Variants in ITFG1 observed in about 807,000 individuals in gnomAD.
The protein encoded by ITFG1 is T-cell immunomodulatory protein.
ITFG1 carries 34 observed loss-of-function variants against 81.8 expected under a neutral mutation model. That is an observed-to-expected ratio of 0.42 (90% CI 0.32 to 0.55). The LOEUF (loss-of-function observed/expected upper bound fraction) is 0.55, where lower values mean the gene tolerates loss of function less well. Among genes scored for constraint, ITFG1 ranks in the 20% least tolerant of loss-of-function variants. The pLI is 0.17. For synonymous variants in ITFG1, 285 were observed against 270.6 expected, an observed-to-expected ratio of 1.05 and a Z score of -0.52; for missense variants, 672 against 755.4, an observed-to-expected ratio of 0.89 and a Z score of 1.29.
intron 12 of ITFG1, among the ~76,000 whole-genome samples, chr16:47,250,223 CATTA>C (rs1966054354): frequency 6.6e-6 from 1 of 151,958 alleles, no homozygotes; most frequent in Admixed American, 6.6e-5. Context: ...ACCTATCTTT[CATTA>C]ATTATTTTAT....
intron 6 of ITFG1, among the ~76,000 whole-genome samples, chr16:47,407,144 A>T (rs1596962880): frequency 2.0e-5 from 3 of 152,360 alleles, no homozygotes; most frequent in Admixed American, 1.3e-4. Context: ...ATTTACATTT[A>T]TAACGGATAA....
chr16:47,239,251 AGTGCAGT>A (rs1446566731), intron 12 of ITFG1, among the ~76,000 whole-genome samples: 1 of 151,198 alleles, frequency 6.6e-6, no homozygotes, highest in Non-Finnish European at 1.5e-5. Context: ...GCCAGGCTGG[AGTGCAGT>A]GGCACGATCT....
intron 8 of ITFG1, among the ~76,000 whole-genome samples, chr16:47,315,641 A>G (rs1211325792): frequency 6.6e-6 from 1 of 152,088 alleles, no homozygotes; most frequent in East Asian, 1.9e-4. Flanking sequence ...CCTAGTAAAC[A>G]TATATCTAAC....
At chr16:47,368,237 T>TA (rs1197857958) in intron 7 of ITFG1, among the ~76,000 whole-genome samples, 10,422 of 77,960 alleles carry the variant, frequency 0.13, 966 homozygotes, top group African/African-American at 0.31. Flanking sequence ...CCGTCTCAAT[T>TA]AAAAAAAAAA....
chr16:47,267,860 C>T (rs1178513682), intron 10 of ITFG1, among the ~76,000 whole-genome samples: 1 of 151,812 alleles, frequency 6.6e-6, no homozygotes, highest in Non-Finnish European at 1.5e-5. Flanking sequence ...AAAATGAAGC[C>T]ATCAAGATTT....
intron 10 of ITFG1, among the ~76,000 whole-genome samples, chr16:47,296,001 C>T (rs1021908887): frequency 6.6e-6 from 1 of 152,124 alleles, no homozygotes; most frequent in African/African-American, 2.4e-5. Flanking sequence ...TGAGCTCAAG[C>T]GATCTTCCCA....
chr16:47,404,905 T>G (rs1198888340), intron 6 of ITFG1, among the ~76,000 whole-genome samples: 1 of 152,196 alleles, frequency 6.6e-6, no homozygotes, highest in Non-Finnish European at 1.5e-5. Flanking sequence ...TAAACACATA[T>G]GTTTATTGGC....
chr16:47,263,499 C>G (rs1966236329), intron 10 of ITFG1: 4 of 331,118 alleles, frequency 1.2e-5, no homozygotes, highest in South Asian at 6.0e-5. Context: ...GGATCTACCC[C>G]AGGAGGGAGG....
At chr16:47,297,608 T>A (rs28784092) in intron 10 of ITFG1, among the ~76,000 whole-genome samples, 1 of 151,802 alleles carries the variant, frequency 6.6e-6, no homozygotes, top group Non-Finnish European at 1.5e-5. Context: ...TACCAGGATA[T>A]AAAATTCCTG....
At chr16:47,428,278 T>C (rs1263889664) in intron 6 of ITFG1, among the ~76,000 whole-genome samples, 1 of 152,180 alleles carries the variant, frequency 6.6e-6, no homozygotes, top group Non-Finnish European at 1.5e-5. Flanking sequence ...AAATTATCTT[T>C]GATAGGAGGA....
chr16:47,218,677 T>C (rs1965655580), intron 14 of ITFG1, 191 bp downstream of exon 14: 3 of 348,952 alleles, frequency 8.6e-6, no homozygotes, highest in Admixed American at 4.8e-5. Context: ...ATATGAAGAA[T>C]TGAAAGTGAA....
intron 6 of ITFG1, chr16:47,425,912 C>T (rs948921515): frequency 9.2e-5 from 14 of 152,012 alleles, no homozygotes; most frequent in African/African-American, 1.7e-4. Context: ...TTTTATGAAT[C>T]GTTTTCTGGT....
intron 8 of ITFG1, among the ~76,000 whole-genome samples, chr16:47,365,248 T>A (rs1357172916): frequency 6.6e-6 from 1 of 152,168 alleles, no homozygotes. Flanking sequence ...ATACAATTAC[T>A]CTGACAAATG....
At chr16:47,401,023 A>G (rs577443032) in intron 6 of ITFG1, among the ~76,000 whole-genome samples, 17 of 152,350 alleles carry the variant, frequency 1.1e-4, no homozygotes, top group African/African-American at 4.1e-4. Flanking sequence ...ACTGGTGGCT[A>G]TAAGACCAGT....
At chr16:47,211,476 G>C (rs571185305) in intron 14 of ITFG1, among the ~76,000 whole-genome samples, 7 of 152,278 alleles carry the variant, frequency 4.6e-5, no homozygotes, top group African/African-American at 1.7e-4. Flanking sequence ...TCTGGAAATA[G>C]TGATGGTTTT....
chr16:47,456,822 A>G (rs538323861), intron 2 of ITFG1, among the ~76,000 whole-genome samples: 2 of 152,156 alleles, frequency 1.3e-5, no homozygotes, highest in Non-Finnish European at 2.9e-5. Context: ...CTTTTTTTAC[A>G]TGGGGAAATT....
intron 6 of ITFG1, among the ~76,000 whole-genome samples, chr16:47,427,267 A>C (rs1969034891): frequency 1.3e-5 from 2 of 152,294 alleles, no homozygotes; most frequent in South Asian, 4.1e-4. Context: ...ATCACAGAAG[A>C]GAGAGAACTT....
intron 14 of ITFG1, among the ~76,000 whole-genome samples, chr16:47,200,763 C>T (rs1373029078): frequency 6.6e-6 from 1 of 152,110 alleles, no homozygotes; most frequent in East Asian, 1.9e-4. Context: ...TTCTGTGGCC[C>T]CATAGCAGAC....
intron 4 of ITFG1, 137 bp from the exon 5 acceptor site, chr16:47,451,607 CAA>C: frequency 3.5e-6 from 2 of 567,844 alleles, no homozygotes; most frequent in Non-Finnish European, 6.2e-6. Flanking sequence ...AGTATTAAGT[CAA>C]ATGTCAGCAC....
Sources: gnomAD v4.1 joint callset for allele counts (sites outside exome capture counted in the v4.1 genomes callset) on GRCh38, gnomAD v4.1.1 for gene constraint, MANE v1.5 for transcripts, NCBI Gene and HGNC (gene_info 2026-07-23, HGNC 2026-07-21) for gene names.